Variants in SIRPD observed in about 807,000 individuals in gnomAD.
The protein encoded by SIRPD is signal-regulatory protein delta.
Under a neutral mutation model 18.0 loss-of-function variants are expected in SIRPD, and 21 were observed. That is an observed-to-expected ratio of 1.17 (90% CI 0.83 to 1.68). SIRPD has a LOEUF of 1.68. Ranked by LOEUF, SIRPD falls within the 40% of genes most tolerant of loss-of-function variation. The pLI, the probability that SIRPD is intolerant of heterozygous loss-of-function variation, is 0.00. For missense variants in SIRPD, 295 were observed against 238.4 expected, an observed-to-expected ratio of 1.24 and a Z score of -1.56; for synonymous variants, 106 against 92.9, an observed-to-expected ratio of 1.14 and a Z score of -0.81.
Position 1,551,768 on chromosome 20 carries a change from T to A in SIRPD, c.344A>T (p.Tyr115Phe). Residue 115 changes from tyrosine to phenylalanine, a missense_variant, in exon 2 of 4, where the codon TAT (tyrosine) becomes TTT (phenylalanine). By Grantham distance (22) the Tyr-to-Phe change is conservative. Transcript: ENST00000381623. ...TCCTTTTATGAACTTCACGCAGTAA[T>A]AGGTGCCAGCATCAGCAAGAGAGAT... ...REISLADAGTYYCVKFIKGRA... is the reference protein window; with the variant it reads ...REISLADAGTFYCVKFIKGRA... The A allele has an allele frequency of 1.2e-6, 2 of 1,614,094 alleles. No individual in the cohort carries two copies. Among genetic ancestry groups the A allele is most frequent in the Non-Finnish European group, 1.7e-6 (2 of 1,179,970 alleles).
chr20:1,535,898 A>C (rs2090943186), intron 3 of SIRPD, among the ~76,000 whole-genome samples: 2 of 152,224 alleles, frequency 1.3e-5, no homozygotes, highest in Admixed American at 1.3e-4. Flanking sequence ...TGCTCATAGA[A>C]GGACTTCTGT....
In SIRPD at chr20:1,557,660, G is replaced by A. The variant is rs1449661118; in HGVS notation, c.-7C>T. 1 of 1,611,254 alleles carries A rather than the reference G, an allele frequency of 6.2e-7. No individual in the cohort carries two copies. Among genetic ancestry groups the A allele is most frequent in the Non-Finnish European group, 8.5e-7 (1 of 1,178,748 alleles). The stretch of plus-strand genomic sequence containing the variant: ...GGGAGGCAGGGATGGGCATTGTGGT[G>A]AAACCTGGAGCTTGCTCTGCCTGAA... On this transcript the variant is annotated 5_prime_UTR_variant, in exon 1 of 4. Transcript: ENST00000381623.
At chr20:1,546,852 T>C (rs1434499190) in intron 2 of SIRPD, among the ~76,000 whole-genome samples, 1 of 152,248 alleles carries the variant, frequency 6.6e-6, no homozygotes, top group Admixed American at 6.5e-5. Flanking sequence ...TGAGCTCCTT[T>C]TGATGTGCTT....
intron 3 of SIRPD, among the ~76,000 whole-genome samples, chr20:1,535,791 T>C (rs1600060363): frequency 6.6e-6 from 1 of 152,204 alleles, no homozygotes; most frequent in African/African-American, 2.4e-5. Flanking sequence ...TCTGTTTTCT[T>C]ATCTATGTAA....
chr20:1,540,848 C>A (rs572970959), intron 2 of SIRPD, among the ~76,000 whole-genome samples: 1 of 152,074 alleles, frequency 6.6e-6, no homozygotes, highest in African/African-American at 2.4e-5. Context: ...GCCCATATGT[C>A]CTCGTTGTTC....
intron 3 of SIRPD, among the ~76,000 whole-genome samples, chr20:1,534,895 C>A (rs562969305): frequency 6.6e-6 from 1 of 152,244 alleles, no homozygotes; most frequent in South Asian, 2.1e-4. Flanking sequence ...AAAACTCATA[C>A]CCTTTGATTT....
At chr20:1,535,498 G>A (rs2090941293) in intron 3 of SIRPD, among the ~76,000 whole-genome samples, 1 of 151,664 alleles carries the variant, frequency 6.6e-6, no homozygotes, top group East Asian at 1.9e-4. Context: ...GGAACTGTTG[G>A]TTTTATAAGA....
At position 1,535,597 on chromosome 20, in the gene SIRPD, G is replaced by C. The variant is rs1009335978; in HGVS notation, c.578-1156C>G. Among the ~76,000 whole-genome samples the C allele has an allele frequency of 5.9e-5, 9 of 152,292 alleles. 2 individuals carry two copies. Among genetic ancestry groups the C allele is most frequent in the Admixed American group, 5.2e-4 (8 of 15,288 alleles). ...GTGCTGCCTCAGGACTCTTTAGAGA[G>C]TCCCCACCAGCAAGAAAGCTCTCAC... On this transcript the variant is annotated intron_variant, in intron 3 of 3. Transcript: ENST00000381623.
At chr20:1,548,510 G>C (rs2091004224) in intron 2 of SIRPD, among the ~76,000 whole-genome samples, 1 of 152,002 alleles carries the variant, frequency 6.6e-6, no homozygotes, top group South Asian at 2.1e-4. Context: ...GTTTCAGTTT[G>C]CTAGTATTTT....
intron 2 of SIRPD, among the ~76,000 whole-genome samples, chr20:1,549,646 C>T (rs1194099788): frequency 6.6e-6 from 1 of 151,980 alleles, no homozygotes; most frequent in East Asian, 1.9e-4. Context: ...CAGACTTTTA[C>T]TTTTCTTCCC....
At chr20:1,539,578 C>T (rs189061799) in intron 2 of SIRPD, among the ~76,000 whole-genome samples, 1 of 152,180 alleles carries the variant, frequency 6.6e-6, no homozygotes, top group East Asian at 1.9e-4. Context: ...GGTAGTCAGC[C>T]TTTGAGATTA....
At chr20:1,553,267 T>G (rs573686717) in intron 1 of SIRPD, among the ~76,000 whole-genome samples, 1 of 152,124 alleles carries the variant, frequency 6.6e-6, no homozygotes, top group African/African-American at 2.4e-5. Flanking sequence ...TTGACTTGTA[T>G]GGGGAATGGG....
Position 1,551,860 on chromosome 20 carries a change from G to A in SIRPD, c.252C>T (p.Pro84=), listed in dbSNP as rs2091020638. The change falls in exon 2 of 4, where the codon CCC becomes CCT. Residue 84 remains proline, a synonymous_variant. Transcript: ENST00000381623. ...LIYNFKQGNF[P]RVKEIGDTTK... ...TGGTGTCTCCAATCTCTTTTACTCT[G>A]GGAAAGTTACCTTGTTTGAAATTGT... The A allele has an allele frequency of 6.2e-7, 1 of 1,614,096 alleles. No individual in the cohort carries two copies. The highest frequency in any genetic ancestry group is 8.5e-7 in the Non-Finnish European group (1 of 1,179,988).
intron 2 of SIRPD, among the ~76,000 whole-genome samples, chr20:1,545,937 C>A (rs1421976581): frequency 1.3e-5 from 2 of 152,228 alleles, no homozygotes; most frequent in East Asian, 3.9e-4. Context: ...TCGTGGGTAT[C>A]ACCAGTGGAG....
intron 2 of SIRPD, among the ~76,000 whole-genome samples, chr20:1,549,034 T>C (rs1052559036): frequency 3.9e-5 from 6 of 152,176 alleles, no homozygotes; most frequent in African/African-American, 1.4e-4. Flanking sequence ...GTTATTTTCA[T>C]TTAATTTTTC....
At chr20:1,555,644 A>G (rs1337229423) in intron 1 of SIRPD, among the ~76,000 whole-genome samples, 1 of 152,248 alleles carries the variant, frequency 6.6e-6, no homozygotes, top group Admixed American at 6.5e-5. Context: ...TAAAATTTAA[A>G]AAACCATCAA....
In SIRPD at chr20:1,551,989, TAC is replaced by T. The variant is rs766634740; in HGVS notation, c.121_122del (p.Val41IlefsTer41). The T allele has an allele frequency of 6.2e-7, 1 of 1,614,094 alleles. No individual in the cohort carries two copies. The highest frequency in any genetic ancestry group is 8.5e-7 in the Non-Finnish European group (1 of 1,179,976). On this transcript the variant is annotated frameshift_variant, in exon 2 of 4. Transcript: ENST00000381623. LOFTEE classifies it high-confidence loss of function. ...HVQQTEMSQTVSTGESIILSC... is the reference protein window; with the variant it reads ...HVQQTEMSQTXSTGESIILSC... ...TCAAGATGATTGACTCCCCAGTTGA[TAC>T]AGTCTGTGACATCTCCGTTTGTTGC... is the stretch of plus-strand genomic sequence containing the variant.
At chr20:1,554,592 T>A (rs1312465593) in intron 1 of SIRPD, among the ~76,000 whole-genome samples, 4 of 152,184 alleles carry the variant, frequency 2.6e-5, no homozygotes, top group Admixed American at 2.6e-4. Context: ...TTTTATTAAA[T>A]GAGAAAATGC....
At chr20:1,546,093 G>C (rs2123134091) in intron 2 of SIRPD, among the ~76,000 whole-genome samples, 1 of 152,362 alleles carries the variant, frequency 6.6e-6, no homozygotes, top group African/African-American at 2.4e-5. Flanking sequence ...GGAGGCACGG[G>C]GGTCAGCGAC....
Sources: gnomAD v4.1 joint callset for allele counts (sites outside exome capture counted in the v4.1 genomes callset) on GRCh38, gnomAD v4.1.1 for gene constraint, MANE v1.5 for transcripts, NCBI Gene and HGNC (gene_info 2026-07-23, HGNC 2026-07-21) for gene names.